GOLT1A: variants seen among roughly 807,000 people sequenced by gnomAD.
GOLT1A encodes golgi transport 1A.
GOLT1A carries 10 observed loss-of-function variants against 16.1 expected under a neutral mutation model. That is an observed-to-expected ratio of 0.62 (90% CI 0.38 to 1.05). The LOEUF (loss-of-function observed/expected upper bound fraction) is 1.05, where lower values mean the gene tolerates loss of function less well. Among genes scored for constraint, GOLT1A ranks in the 50% least tolerant of loss-of-function variants. The pLI, the probability that GOLT1A is intolerant of heterozygous loss-of-function variation, is 0.01. For missense variants in GOLT1A, 137 were observed against 165.7 expected (o/e 0.83, Z 0.95); for synonymous variants, 60 against 67.9 (o/e 0.88, Z 0.57).
intron 1 of GOLT1A, among the ~76,000 whole-genome samples, chr1:204,207,226 C>T (rs546630767): frequency 2.0e-5 from 3 of 152,308 alleles, no homozygotes; most frequent in African/African-American, 2.4e-5. Context: ...CTGCCCGGCA[C>T]GGTCCCCGTG....
At chr1:204,201,555 T>C (rs1658961196) in intron 3 of GOLT1A, 78 bp downstream of exon 3, 4 of 1,432,584 alleles carry the variant, frequency 2.8e-6, no homozygotes, top group South Asian at 1.3e-5. Context: ...TCCCAGCTTC[T>C]GCACTCCCTG....
chr1:204,202,399 T>C (rs1415208626), intron 2 of GOLT1A, among the ~76,000 whole-genome samples: 1 of 151,736 alleles, frequency 6.6e-6, no homozygotes, highest in African/African-American at 2.4e-5. Flanking sequence ...GCTGTTCCAA[T>C]CCCCCTGGAA....
At position 204,199,241 on chromosome 1, in the gene GOLT1A, G is replaced by A. The variant is rs1171103040; in HGVS notation, c.314C>T (p.Ala105Val). The change falls in exon 4 of 5, where the codon GCC (alanine) becomes GTC (valine). Residue 105 changes from alanine (A) to valine (V), a missense_variant. Physicochemically the swap from Ala to Val is moderately conservative, Grantham distance 64. Transcript: ENST00000308302. Reference protein sequence around the residue: ...FSLFKGFFPVAFGFLGNVCNI... With the variant: ...FSLFKGFFPVVFGFLGNVCNI... ...GCAGACATTGCCCAGGAAGCCGAAG[G>A]CGACAGGGAAAAAGCCCCTAGGAGC... The A allele has an allele frequency of 3.1e-6, 5 of 1,604,050 alleles. No homozygotes were observed. The highest frequency in any genetic ancestry group is 1.6e-4 in the Middle Eastern group (1 of 6,070).
At chr1:204,204,909 CTAATGAT>C (rs542020600) in intron 1 of GOLT1A, among the ~76,000 whole-genome samples, 181 of 152,300 alleles carry the variant, frequency 1.2e-3, no homozygotes, top group African/African-American at 4.1e-3. Flanking sequence ...TTACATTTCC[CTAATGAT>C]TAATGATTAA....
chr1:204,199,845 G>A (rs905352478), intron 3 of GOLT1A, among the ~76,000 whole-genome samples: 24 of 152,162 alleles, frequency 1.6e-4, no homozygotes, highest in African/African-American at 5.3e-4. Flanking sequence ...AGACACATGC[G>A]TGACCCCTCA....
At position 204,202,913 on chromosome 1, in the gene GOLT1A, G is replaced by A. The variant is rs756856517; in HGVS notation, c.100C>T (p.Leu34Phe). 6.2e-7 allele frequency: 1 copy of A among 1,614,016 alleles called. No individual in the cohort carries two copies. Among genetic ancestry groups the A allele is most frequent in the African/African-American group, 1.3e-5 (1 of 75,032 alleles). Reference sequence around the variant, plus strand: ...AGACTCACGTTTCCAAAGGCCAGGAGCACGGAATCAAAGTACAGGAGTGTT... The same window carrying A: ...AGACTCACGTTTCCAAAGGCCAGGAACACGGAATCAAAGTACAGGAGTGTT... The part of the protein sequence containing the change: ...FGTLLYFDSV[L>F]LAFGNLLFLT... Residue 34 changes from leucine (L) to phenylalanine (F), a missense_variant, in exon 2 of 5, where the codon CTC becomes TTC. Coordinates refer to ENST00000308302, the MANE Select transcript of GOLT1A (RefSeq NM_198447.2).
At chr1:204,204,981 A>G (rs1659017803) in intron 1 of GOLT1A, among the ~76,000 whole-genome samples, 1 of 152,188 alleles carries the variant, frequency 6.6e-6, no homozygotes, top group Non-Finnish European at 1.5e-5. Flanking sequence ...AGAATTGTCT[A>G]GTTAAGTCCT....
chr1:204,207,977 T>C (rs1571677075), intron 1 of GOLT1A, among the ~76,000 whole-genome samples: 1 of 152,128 alleles, frequency 6.6e-6, no homozygotes, highest in East Asian at 1.9e-4. Context: ...CCTGCAAGAA[T>C]GGCCATAATC....
At chr1:204,205,964 G>A (rs1659032846) in intron 1 of GOLT1A, among the ~76,000 whole-genome samples, 1 of 152,160 alleles carries the variant, frequency 6.6e-6, no homozygotes, top group Non-Finnish European at 1.5e-5. Context: ...CAGCTACGTG[G>A]GAGGCTGAGG....
chr1:204,209,399 C>T (rs2102340067), intron 1 of GOLT1A, among the ~76,000 whole-genome samples: 1 of 152,324 alleles, frequency 6.6e-6, no homozygotes, highest in Non-Finnish European at 1.5e-5. Context: ...ACACCCTTCT[C>T]ACCCTGCTGG....
At chr1:204,212,241 G>T (rs541286507) in intron 1 of GOLT1A, among the ~76,000 whole-genome samples, 1 of 152,074 alleles carries the variant, frequency 6.6e-6, no homozygotes, top group Non-Finnish European at 1.5e-5. Flanking sequence ...TGTCCAAACC[G>T]TCAGCAAATC....
chr1:204,198,371 C>A lies in GOLT1A; in HGVS notation c.*87G>T. On this transcript the variant is annotated 3_prime_UTR_variant, in exon 5 of 5. Transcript: ENST00000308302. ...GGTCCGGATATGTCGGGGAGTGAGT[C>A]AGTGCAGGGGACTGAGGGGGTGGTT... The A allele has an allele frequency of 8.3e-7, 1 of 1,210,978 alleles. No homozygotes were observed. Among genetic ancestry groups the A allele is most frequent in the South Asian group, 1.3e-5 (1 of 79,654 alleles). 75.0% of individuals were successfully genotyped at this position (1,210,978 alleles called of 1,614,324 possible).
chr1:204,202,861 G>A (rs1658982818), intron 2 of GOLT1A, 35 bp downstream of exon 2: 1 of 1,474,722 alleles, frequency 6.8e-7, no homozygotes, highest in Non-Finnish European at 9.5e-7. Context: ...AAAGGTTGGG[G>A]CAGGGGAGTG....
At chr1:204,208,408 A>ATATATGTATACATATGTG (rs1188451086) in intron 1 of GOLT1A, among the ~76,000 whole-genome samples, 3 of 58,126 alleles carry the variant, frequency 5.2e-5, no homozygotes, top group East Asian at 3.0e-4. Flanking sequence ...ACATATATGT[A>ATATATGTATACATATGTG]TATATGTATA....
chr1:204,199,910 T>A (rs561795537), intron 3 of GOLT1A, among the ~76,000 whole-genome samples: 5 of 152,276 alleles, frequency 3.3e-5, no homozygotes, highest in African/African-American at 9.6e-5. Flanking sequence ...GTGTGGCGGA[T>A]GGGAAGGGAG....
intron 1 of GOLT1A, 60 bp downstream of exon 1, chr1:204,213,822 A>G: frequency 6.3e-7 from 1 of 1,585,102 alleles, no homozygotes; most frequent in Non-Finnish European, 8.6e-7. Context: ...TGGGAGAGAG[A>G]GCCAGCCGGC....
chr1:204,212,372 C>T (rs528771573), intron 1 of GOLT1A, among the ~76,000 whole-genome samples: 11 of 152,234 alleles, frequency 7.2e-5, no homozygotes, highest in African/African-American at 2.2e-4. Flanking sequence ...CGGTGGCTCA[C>T]GCCTGTAATC....
At chr1:204,208,501 T>TATATAA (rs1349404195) in intron 1 of GOLT1A, among the ~76,000 whole-genome samples, 1 of 95,546 alleles carries the variant, frequency 1.0e-5, no homozygotes, top group Non-Finnish European at 2.2e-5. Context: ...TATATATATA[T>TATATAA]AAAAAATGAA....
rs374333644 is a variant in GOLT1A, at chr1:204,201,712, C to G, written c.217G>C (p.Gly73Arg). ...HKLKGTSFLLGGVVIVLLRWP... is the reference protein window; with the variant it reads ...HKLKGTSFLLRGVVIVLLRWP... ...CGTAGGAGCACGATAACCACACCCC[C>G]CAGGAGGAAGCTGGTTCCCTTGAGT... Residue 73 changes from glycine to arginine, a missense_variant, in exon 3 of 5, where the codon GGG becomes CGG. Gly to Arg is a moderately radical substitution (Grantham distance 125, BLOSUM62 -2). Transcript: ENST00000308302. 1 of 1,614,168 alleles carries G rather than the reference C, an allele frequency of 6.2e-7. No homozygotes were observed. The highest frequency in any genetic ancestry group is 1.3e-5 in the African/African-American group (1 of 75,032).
Sources: allele counts gnomAD v4.1 joint callset (sites outside exome capture counted in the v4.1 genomes callset), GRCh38; gene constraint gnomAD v4.1.1; transcripts MANE v1.5; gene names NCBI Gene and HGNC (gene_info 2026-07-23, HGNC 2026-07-21).